Variants in PACS1 observed in about 807,000 individuals in gnomAD.
PACS1 encodes the protein PACS-1.
PACS1 carries 24 observed loss-of-function variants against 115.0 expected under a neutral mutation model. That is an observed-to-expected ratio of 0.21 (90% confidence interval 0.15 to 0.29). The LOEUF (loss-of-function observed/expected upper bound fraction) is 0.29, where lower values mean the gene tolerates loss of function less well. Among genes scored for constraint, PACS1 ranks in the 10% least tolerant of loss-of-function variants. PACS1 has a pLI of 1.00. For missense variants in PACS1, 838 were observed against 1,251.2 expected, an observed-to-expected ratio of 0.67 and a Z score of 4.98; for synonymous variants, 453 against 504.5, an observed-to-expected ratio of 0.90 and a Z score of 1.37.
chr11:66,227,476 T>G (rs1855490863), intron 10 of PACS1, 28 bp from the exon 11 acceptor site: 5 of 1,290,060 alleles, frequency 3.9e-6, no homozygotes, highest in Non-Finnish European at 5.6e-6. Context: ...TTTGGATCAG[T>G]GATAACTAAT....
intron 2 of PACS1, among the ~76,000 whole-genome samples, chr11:66,199,677 A>G (rs1377110972): frequency 1.3e-5 from 2 of 152,202 alleles, no homozygotes; most frequent in Non-Finnish European, 2.9e-5. Context: ...TTGAATGTAA[A>G]TGGACAAAAT....
chr11:66,104,548 TATGAA>T lies in PACS1; in HGVS notation c.356+33707_356+33711del, dbSNP rs369207736. ...AGTCAAGCAGTTGCAGCAGAGACTC[TATGAA>T]CTGTAAAACCCCAAATACTTACTAC... On this transcript the variant is annotated intron_variant, in intron 1 of 23. Transcript: ENST00000320580. Among the ~76,000 whole-genome samples the T allele has an allele frequency of 5.4e-4, 82 of 152,310 alleles. 4 individuals carry two copies. The South Asian group carries it at 0.017, about 31-fold the overall frequency.
chr11:66,076,145 T>C (rs563023098), intron 1 of PACS1, among the ~76,000 whole-genome samples: 1 of 152,360 alleles, frequency 6.6e-6, no homozygotes, highest in Non-Finnish European at 1.5e-5. Flanking sequence ...CCATCGTCCC[T>C]GTGGAAGCTC....
At chr11:66,214,235 T>A (rs189222741) in intron 4 of PACS1, among the ~76,000 whole-genome samples, 3 of 152,128 alleles carry the variant, frequency 2.0e-5, no homozygotes, top group African/African-American at 4.8e-5. Flanking sequence ...TTTGAGATAG[T>A]TCCAGCCCGT....
intron 1 of PACS1, among the ~76,000 whole-genome samples, chr11:66,075,990 G>A (rs1857389729): frequency 6.6e-6 from 1 of 152,156 alleles, no homozygotes; most frequent in African/African-American, 2.4e-5. Context: ...ACCTGCCTTG[G>A]CCTTCCAAAG....
chr11:66,070,590 AG>A lies in PACS1; in HGVS notation c.105del (p.Gln35HisfsTer67). On this transcript the variant is annotated frameshift_variant, in exon 1 of 24. Transcript: ENST00000320580. LOFTEE classifies it high-confidence loss of function. The surrounding 1 kb of genome is among the most constrained non-coding windows in gnomAD (Gnocchi z 5.9). ...VAQSPQQPPP[Q>X]QQQQQPPQQP... ...CAGTCCCCTCAGCAGCCGCCGCCGC[AG>A]CAGCAGCAGCAGCAGCCGCCGCAGC... The A allele has an allele frequency of 7.2e-7, 1 of 1,397,442 alleles. No individual in the cohort carries two copies. Among genetic ancestry groups the A allele is most frequent in the Admixed American group, 2.4e-5 (1 of 42,272 alleles). The allele number at this position is 1,397,442 out of a possible 1,614,324, so 86.6% of individuals were successfully genotyped here.
intron 4 of PACS1, among the ~76,000 whole-genome samples, chr11:66,213,833 A>G (rs1357073798): frequency 1.3e-5 from 2 of 152,152 alleles, no homozygotes; most frequent in Non-Finnish European, 1.5e-5. Flanking sequence ...GGAGATCGAA[A>G]CCATCCTGGC....
intron 1 of PACS1, among the ~76,000 whole-genome samples, chr11:66,120,188 C>T (rs568739184): frequency 7.4e-6 from 1 of 135,686 alleles, no homozygotes; most frequent in South Asian, 2.3e-4. Flanking sequence ...CGCTCTGTTG[C>T]CCAGGCTGGA....
At chr11:66,224,900 G>A (rs1047008908) in intron 10 of PACS1, among the ~76,000 whole-genome samples, 6 of 152,106 alleles carry the variant, frequency 3.9e-5, no homozygotes, top group Admixed American at 3.9e-4. Flanking sequence ...TCTTAATCTT[G>A]CTTTTTGTTC....
At chr11:66,085,300 A>G (rs1176047174) in intron 1 of PACS1, among the ~76,000 whole-genome samples, 4 of 152,132 alleles carry the variant, frequency 2.6e-5, no homozygotes, top group African/African-American at 9.7e-5. Context: ...AGAATGATCT[A>G]ATTTGTGTAA....
intron 10 of PACS1, among the ~76,000 whole-genome samples, chr11:66,223,386 G>T (rs1031148626): frequency 1.2e-5 from 1 of 84,452 alleles, no homozygotes; most frequent in Non-Finnish European, 2.4e-5. Flanking sequence ...GAGCCGCTGT[G>T]CCCGGCCTAT....
At chr11:66,087,401 C>T (rs550843404) in intron 1 of PACS1, among the ~76,000 whole-genome samples, 26 of 152,182 alleles carry the variant, frequency 1.7e-4, no homozygotes, top group African/African-American at 6.3e-4. Context: ...GCTACCATGC[C>T]CCGCTAATTT....
intron 1 of PACS1, among the ~76,000 whole-genome samples, chr11:66,111,081 C>T (rs1323437486): frequency 6.6e-6 from 1 of 152,156 alleles, no homozygotes; most frequent in Non-Finnish European, 1.5e-5. Flanking sequence ...CTTACACAAA[C>T]CCAGATGGCA....
chr11:66,221,740 G>A (rs1015278685), intron 10 of PACS1: 1 of 157,754 alleles, frequency 6.3e-6, no homozygotes, highest in Non-Finnish European at 1.4e-5. Context: ...TAGCTCTTTG[G>A]GGTCATTGCT....
At chr11:66,207,121 G>T (rs10750780) in intron 2 of PACS1, among the ~76,000 whole-genome samples, 1 of 151,762 alleles carries the variant, frequency 6.6e-6, no homozygotes, top group Non-Finnish European at 1.5e-5. Flanking sequence ...CAAATATGTC[G>T]ATATGTATTT....
At chr11:66,138,241 G>A (rs1858894203) in intron 1 of PACS1, among the ~76,000 whole-genome samples, 1 of 151,974 alleles carries the variant, frequency 6.6e-6, no homozygotes, top group Middle Eastern at 3.4e-3. Flanking sequence ...GTAGACTTCT[G>A]CCACCATGCC....
At chr11:66,086,416 G>A (rs1211607108) in intron 1 of PACS1, among the ~76,000 whole-genome samples, 1 of 152,162 alleles carries the variant, frequency 6.6e-6, no homozygotes, top group Admixed American at 6.5e-5. Flanking sequence ...GGGATTACAG[G>A]CGTGAGCCAC....
At chr11:66,177,133 G>A (rs1448067628) in intron 1 of PACS1, among the ~76,000 whole-genome samples, 2 of 152,142 alleles carry the variant, frequency 1.3e-5, no homozygotes, top group Non-Finnish European at 2.9e-5. Flanking sequence ...AAAGGAAAAG[G>A]AAGATTTCTT....
At chr11:66,219,057 G>A (rs889573878) in intron 7 of PACS1, among the ~76,000 whole-genome samples, 13 of 152,108 alleles carry the variant, frequency 8.5e-5, no homozygotes, top group Admixed American at 6.6e-5. Flanking sequence ...AAGACTTCTA[G>A]TCGGAGGGTA....
Sources: allele counts gnomAD v4.1 joint callset (sites outside exome capture counted in the v4.1 genomes callset), GRCh38; gene constraint gnomAD v4.1.1; non-coding constraint Gnocchi (gnomAD v3.1); transcripts MANE v1.5; gene names NCBI Gene and HGNC (gene_info 2026-07-23, HGNC 2026-07-21).